The following PLXDC1 variants were observed in gnomAD, a reference collection of about 807,000 sequenced individuals.
PLXDC1 encodes plexin domain-containing protein 1.
In PLXDC1, 39 loss-of-function variants were observed where a neutral mutation model predicts 61.3. The observed-to-expected ratio is 0.64, with a 90% CI of 0.49 to 0.83. The LOEUF (loss-of-function observed/expected upper bound fraction) is 0.83, where lower values mean the gene tolerates loss of function less well. Among genes scored for constraint, PLXDC1 ranks in the 40% least tolerant of loss-of-function variants. The pLI is 0.00. For missense variants in PLXDC1, 596 were observed against 666.5 expected (o/e 0.89, Z 1.17); for synonymous variants, 212 against 254.5 (o/e 0.83, Z 1.59).
intron 2 of PLXDC1, among the ~76,000 whole-genome samples, chr17:39,135,094 C>T (rs989430060): frequency 6.6e-6 from 1 of 152,262 alleles, no homozygotes; most frequent in Admixed American, 6.5e-5. Context: ...TTCATCTGTT[C>T]CGAGGCAGAT....
At chr17:39,079,333 T>C in intron 9 of PLXDC1, 169 bp from the exon 10 acceptor site, 1 of 648,116 alleles carries the variant, frequency 1.5e-6, no homozygotes. Flanking sequence ...ATGAAGGTAT[T>C]TGTGGCATCC....
chr17:39,111,469 G>T (rs1018773387), intron 2 of PLXDC1, among the ~76,000 whole-genome samples: 2 of 152,140 alleles, frequency 1.3e-5, no homozygotes, highest in Non-Finnish European at 2.9e-5. Context: ...ATTTTTAGTG[G>T]AGACGGGGTT....
At chr17:39,118,084 C>CCTTCCTT (rs56792110) in intron 2 of PLXDC1, among the ~76,000 whole-genome samples, 5,787 of 101,862 alleles carry the variant, frequency 0.057, 255 homozygotes, top group Middle Eastern at 0.083. Context: ...CTCCCTCCCT[C>CCTTCCTT]CCTTCCTTCC....
chr17:39,126,712 T>C (rs1262775849), intron 2 of PLXDC1, among the ~76,000 whole-genome samples: 1 of 152,112 alleles, frequency 6.6e-6, no homozygotes, highest in Non-Finnish European at 1.5e-5. Flanking sequence ...CTGGGACAAC[T>C]TAGACACTCT....
intron 2 of PLXDC1, among the ~76,000 whole-genome samples, chr17:39,129,052 G>A (rs1911447054): frequency 6.8e-6 from 1 of 147,776 alleles, no homozygotes; most frequent in African/African-American, 2.5e-5. Flanking sequence ...ATGCGGTGGT[G>A]CACGCCTGTA....
chr17:39,151,682 G>C (rs1320173407), upstream of PLXDC1: 1 of 151,698 alleles, frequency 6.6e-6, no homozygotes, highest in Non-Finnish European at 1.4e-5. The surrounding 1 kb of genome is among the most constrained non-coding windows in gnomAD (Gnocchi z 5.2). Context: ...GGGTGGGGGG[G>C]AGCTGGGGCA....
At chr17:39,107,892 T>A (rs1451489964) in intron 5 of PLXDC1, 12 of 589,082 alleles carry the variant, frequency 2.0e-5, no homozygotes, top group Non-Finnish European at 3.3e-5. Context: ...ACATTTATTT[T>A]ACCTCGACTA....
chr17:39,068,675 G>T (rs545260406), intron 13 of PLXDC1, among the ~76,000 whole-genome samples: 2 of 152,230 alleles, frequency 1.3e-5, no homozygotes, highest in East Asian at 3.9e-4. Context: ...AGACTGTCTC[G>T]AAATAAATAA....
At chr17:39,105,645 T>G (rs575178403) in intron 7 of PLXDC1, among the ~76,000 whole-genome samples, 3 of 152,128 alleles carry the variant, frequency 2.0e-5, no homozygotes, top group Non-Finnish European at 2.9e-5. Flanking sequence ...GAGCAGTGCC[T>G]CCCATTGGAG....
At chr17:39,100,945 A>C (rs527540091) in intron 7 of PLXDC1, among the ~76,000 whole-genome samples, 75 of 152,360 alleles carry the variant, frequency 4.9e-4, no homozygotes, top group African/African-American at 1.7e-3. Flanking sequence ...AAGTATTTCA[A>C]TATTTTGACA....
At chr17:39,094,541 G>A (rs1289076639) in intron 7 of PLXDC1, among the ~76,000 whole-genome samples, 1 of 151,656 alleles carries the variant, frequency 6.6e-6, no homozygotes, top group East Asian at 1.9e-4. Flanking sequence ...GCAATGTCCA[G>A]TGTCCCCCAT....
intron 7 of PLXDC1, among the ~76,000 whole-genome samples, chr17:39,100,635 A>G (rs1369612625): frequency 2.0e-5 from 3 of 152,256 alleles, no homozygotes; most frequent in East Asian, 1.9e-4. Context: ...TTCCTGATCC[A>G]TAAAAACTCT....
Position 39,070,006 on chromosome 17 carries a change from G to A in PLXDC1, c.1233C>T (p.Asn411=), listed in dbSNP as rs765177353. The part of the protein sequence containing the change: ...NPYAGGDGLQ[N]NLSPKTKGTP... ...TGCCCTTTGTCTTGGGGGACAGGTTGTTCTGAAGGCCTGTGGAGAGATCAT... is the reference window on the plus strand; with the variant it reads ...TGCCCTTTGTCTTGGGGGACAGGTTATTCTGAAGGCCTGTGGAGAGATCAT... Residue 411 remains asparagine, a synonymous_variant, in exon 13 of 14, where the codon AAC becomes AAT. Transcript: ENST00000315392. 9 of 1,613,764 alleles carry A rather than the reference G, an allele frequency of 5.6e-6. No homozygotes were observed. The Admixed American group carries it at 1.2e-4, about 21-fold the overall frequency.
At chr17:39,092,352 A>G (rs890020334) in intron 7 of PLXDC1, among the ~76,000 whole-genome samples, 72 of 152,164 alleles carry the variant, frequency 4.7e-4, no homozygotes, top group African/African-American at 1.7e-3. Context: ...GAGGTTCTAG[A>G]CATGAGCCAC....
At chr17:39,091,477 C>T (rs143966762) in intron 7 of PLXDC1, among the ~76,000 whole-genome samples, 62 of 152,232 alleles carry the variant, frequency 4.1e-4, no homozygotes, top group African/African-American at 1.4e-3. Context: ...CCTCCTCCCA[C>T]GTCTCCCTCC....
chr17:39,114,935 G>A (rs1057266753), intron 2 of PLXDC1, among the ~76,000 whole-genome samples: 1 of 152,326 alleles, frequency 6.6e-6, no homozygotes, highest in South Asian at 2.1e-4. Context: ...CAGAAGCCAC[G>A]CTCTGCAGTT....
In PLXDC1 at chr17:39,069,849, C is replaced by T. The variant is rs1909043783; in HGVS notation, c.1383+7G>A. ...ACAGGAGCCCTGTGGCCACAGATGA[C>T]ACGGACCTCGATGAAGAAGAGCGCA... On this transcript the variant is annotated splice_region_variant and intron_variant, in intron 13 of 13. Transcript: ENST00000315392. The T allele has an allele frequency of 6.2e-7, 1 of 1,612,494 alleles. No homozygotes were observed. The highest frequency in any genetic ancestry group is 1.3e-5 in the African/African-American group (1 of 74,902).
Position 39,072,430 on chromosome 17 carries a change from GC to G in PLXDC1, c.1222+19del. On this transcript the variant is annotated intron_variant, in intron 12 of 13. Coordinates refer to ENST00000315392, the MANE Select transcript of PLXDC1 (RefSeq NM_020405.5). ...AGAGGCGCTGGGTCTGACGCTGAGG[GC>G]AGGCAGTTCTGTACTCACCGTCTCC... The G allele has an allele frequency of 6.5e-7, 1 of 1,533,606 alleles. No individual in the cohort carries two copies. The highest frequency in any genetic ancestry group is 1.2e-5 in the South Asian group (1 of 83,918). 95.0% of individuals were successfully genotyped at this position (1,533,606 alleles called of 1,614,324 possible).
intron 1 of PLXDC1, among the ~76,000 whole-genome samples, chr17:39,149,367 A>G (rs2045359937): frequency 6.7e-6 from 1 of 149,964 alleles, no homozygotes; most frequent in African/African-American, 2.5e-5. Flanking sequence ...CTCCTTAGCA[A>G]CTCTCCCCCA....
Sources: allele counts gnomAD v4.1 joint callset (sites outside exome capture counted in the v4.1 genomes callset), GRCh38; gene constraint gnomAD v4.1.1; non-coding constraint Gnocchi (gnomAD v3.1); transcripts MANE v1.5; gene names NCBI Gene and HGNC (gene_info 2026-07-23, HGNC 2026-07-21).